ACO2: variants seen among roughly 807,000 people sequenced by gnomAD.
The protein encoded by ACO2 is aconitate hydratase, mitochondrial.
In ACO2, 31 loss-of-function variants were observed where a neutral mutation model predicts 84.5. The ratio of observed to expected loss-of-function variants is 0.37; its 90% CI spans 0.28 to 0.50. The LOEUF (loss-of-function observed/expected upper bound fraction) is 0.50, where lower values mean the gene tolerates loss of function less well. ACO2 is among the 20% of genes least tolerant of loss of function. ACO2 has a pLI of 0.97. For missense variants in ACO2, 685 were observed against 1,029.3 expected (o/e 0.67, Z 4.58); for synonymous variants, 414 against 412.7 (o/e 1.00, Z -0.04).
At position 41,515,611 on chromosome 22, in the gene ACO2, C is replaced by T; in HGVS notation, c.684+76C>T. On this transcript the variant is annotated intron_variant, in intron 5 of 17. Coordinates refer to ENST00000216254, the MANE Select transcript of ACO2 (RefSeq NM_001098.3). This position sits in a 1 kb window ranked among gnomAD's most constrained non-coding sequence, Gnocchi z 5.8. ...TGGGGATGAACGGGAGACGGTGGGA[C>T]CCAGGAGGGAAAAGGGAACAAGTTA... 1 of 1,573,232 alleles carries T rather than the reference C, an allele frequency of 6.4e-7. No individual in the cohort carries two copies. Among genetic ancestry groups the T allele is most frequent in the Non-Finnish European group, 8.6e-7 (1 of 1,157,442 alleles).
At chr22:41,489,261 C>T (rs1448032863) in intron 1 of ACO2, among the ~76,000 whole-genome samples, 3 of 152,138 alleles carry the variant, frequency 2.0e-5, no homozygotes, top group Non-Finnish European at 4.4e-5. Context: ...CCAGGCTGGT[C>T]TCAAACTCCT....
At chr22:41,517,257 G>C in intron 6 of ACO2, 4 of 440,342 alleles carry the variant, frequency 9.1e-6, no homozygotes, top group South Asian at 8.6e-5. Context: ...TCAGTGTGTG[G>C]GGGCTGAATC....
In ACO2 at chr22:41,525,220, C is replaced by T. The variant is rs1327562896; in HGVS notation, c.1633C>T (p.Gln545Ter). ...GTTTGACCCAGGGCAGGACACCTAC[C>T]AGCACCCACCCAAGGACAGCAGCGG... ...GEFDPGQDTYQHPPKDSSGQH... is the reference protein window; with the variant it reads ...GEFDPGQDTY Residue 545 changes from glutamine (Q) to a stop codon, truncating the protein, a stop_gained, in exon 14 of 18, where the codon CAG (glutamine) becomes TAG (stop). Transcript: ENST00000216254. LOFTEE classifies it high-confidence loss of function. 1 of 1,614,006 alleles carries T rather than the reference C, an allele frequency of 6.2e-7. No homozygotes were observed. The highest frequency in any genetic ancestry group is 8.5e-7 in the Non-Finnish European group (1 of 1,180,018).
intron 1 of ACO2, among the ~76,000 whole-genome samples, chr22:41,476,449 T>C (rs553696365): frequency 6.8e-6 from 1 of 146,532 alleles, no homozygotes; most frequent in African/African-American, 2.5e-5. Context: ...GGCTCACACC[T>C]GTAATCCCAG....
At chr22:41,485,826 A>G (rs1015417300) in intron 1 of ACO2, among the ~76,000 whole-genome samples, 6 of 152,084 alleles carry the variant, frequency 3.9e-5, no homozygotes, top group African/African-American at 1.4e-4. Context: ...ACCTCAGGTG[A>G]TCCGCCTTTC....
Position 41,520,337 on chromosome 22 carries a change from T to C in ACO2, c.1138+61T>C. 4 of 1,372,382 alleles carry C rather than the reference T, an allele frequency of 2.9e-6. No individual in the cohort carries two copies. In the South Asian group the frequency reaches 4.9e-5, roughly 17 times the overall value. 85.0% of individuals were successfully genotyped at this position (1,372,382 alleles called of 1,614,324 possible). A position where few individuals can be genotyped will look rare whatever the true frequency, so the allele number is the denominator to read the frequency against. On this transcript the variant is annotated intron_variant, in intron 9 of 17. Transcript: ENST00000216254. The stretch of plus-strand genomic sequence containing the variant: ...CAGGGCCAGTGGCTCTGCCCAGGGC[T>C]GTAGACAATCACCTATGCCTACTGT...
Position 41,507,909 on chromosome 22 carries a change from A to G in ACO2, c.292A>G (p.Met98Val). The G allele has an allele frequency of 6.2e-7, 1 of 1,614,246 alleles. No individual in the cohort carries two copies. Among genetic ancestry groups the G allele is most frequent in the South Asian group, 1.1e-5 (1 of 91,090 alleles). Reference protein sequence around the residue: ...YLRLRPDRVAMQDATAQMAML... With the variant: ...YLRLRPDRVAVQDATAQMAML... ...GCGGCTGCGGCCGGACCGTGTGGCC[A>G]TGCAGGATGCGACGGCCCAGATGGC... is the stretch of plus-strand genomic sequence containing the variant. The change falls in exon 3 of 18, where the codon ATG becomes GTG. Residue 98 changes from methionine to valine, a missense_variant. Around this residue, in one of 5 missense-constraint regions of ACO2, gnomAD observed 92 missense variants for 203.7 expected, o/e 0.45. Coordinates refer to ENST00000216254, the MANE Select transcript of ACO2 (RefSeq NM_001098.3).
intron 3 of ACO2, among the ~76,000 whole-genome samples, chr22:41,509,215 G>A (rs1416063393): frequency 1.3e-5 from 2 of 152,166 alleles, no homozygotes; most frequent in Admixed American, 6.5e-5. Context: ...TTCTGGGGCT[G>A]GCTTTCTGCT....
chr22:41,509,591 G>A (rs2066419047), intron 3 of ACO2, among the ~76,000 whole-genome samples: 1 of 152,112 alleles, frequency 6.6e-6, no homozygotes, highest in Non-Finnish European at 1.5e-5. Flanking sequence ...TTGACTGGAG[G>A]AAGAACATGC....
intron 1 of ACO2, among the ~76,000 whole-genome samples, chr22:41,476,664 T>C (rs1420955467): frequency 6.6e-6 from 1 of 151,934 alleles, no homozygotes; most frequent in Non-Finnish European, 1.5e-5. Flanking sequence ...GAGCCGAGAT[T>C]GCGCCACTGT....
intron 2 of ACO2, among the ~76,000 whole-genome samples, chr22:41,506,850 A>C (rs971129658): frequency 6.6e-5 from 10 of 151,920 alleles, no homozygotes; most frequent in Admixed American, 5.2e-4. Context: ...GCAGAGCGTG[A>C]GGTCTGAAAG....
intron 1 of ACO2, 177 bp downstream of exon 1, chr22:41,469,359 C>T: frequency 1.5e-6 from 1 of 646,394 alleles, no homozygotes; most frequent in Admixed American, 3.9e-5. Context: ...TCAAGGCGTC[C>T]CCGGCACAGT....
chr22:41,486,380 G>T (rs1325616779), intron 1 of ACO2, among the ~76,000 whole-genome samples: 1 of 151,252 alleles, frequency 6.6e-6, no homozygotes, highest in Non-Finnish European at 1.5e-5. Flanking sequence ...TGCAACCTCT[G>T]CCTCCCAGGT....
Position 41,527,975 on chromosome 22 carries a change from G to C in ACO2, c.2161G>C (p.Val721Leu). 1.2e-6 allele frequency: 2 copies of C among 1,614,172 alleles called. No individual in the cohort carries two copies. Among genetic ancestry groups the C allele is most frequent in the Non-Finnish European group, 8.5e-7 (1 of 1,180,024 alleles). Reference protein sequence around the residue: ...DPADYNKIHPVDKLTIQGLKD... With the variant: ...DPADYNKIHPLDKLTIQGLKD... ...GGCTGACTACAACAAGATTCACCCT[G>C]TGGACAAGCTGACCATTCAGGGCCT... Residue 721 changes from valine (V) to leucine (L), a missense_variant, in exon 17 of 18, where the codon GTG becomes CTG. Physicochemically the swap from Val to Leu is conservative, Grantham distance 32 (BLOSUM62 1). This residue lies in a region of ACO2 where 174 missense variants were observed against 236.6 expected (regional missense o/e 0.74). Coordinates refer to ENST00000216254, the MANE Select transcript of ACO2 (RefSeq NM_001098.3).
At chr22:41,514,533 G>A (rs1329767628) in intron 4 of ACO2, among the ~76,000 whole-genome samples, 2 of 152,186 alleles carry the variant, frequency 1.3e-5, no homozygotes, top group Non-Finnish European at 1.5e-5. Context: ...CAGACCCCCC[G>A]ATACAGGACG....
At position 41,526,459 on chromosome 22, in the gene ACO2, T is replaced by TCAGAGTTGATAGGGGCAATGCCAG; in HGVS notation, c.1953+7_1953+30dup. ...ACACTGCCCGCTACTACAAGGTGGG[T>TCAGAGTTGATAGGGGCAATGCCAG]CAGAGTTGATAGGGGCAATGCCAGT... On this transcript the variant is annotated splice_region_variant and intron_variant, in intron 15 of 17. Coordinates refer to ENST00000216254, the MANE Select transcript of ACO2 (RefSeq NM_001098.3). The TCAGAGTTGATAGGGGCAATGCCAG allele has an allele frequency of 1.2e-6, 2 of 1,608,842 alleles. No individual in the cohort carries two copies. Among genetic ancestry groups the TCAGAGTTGATAGGGGCAATGCCAG allele is most frequent in the Non-Finnish European group, 1.7e-6 (2 of 1,176,606 alleles).
intron 1 of ACO2, among the ~76,000 whole-genome samples, chr22:41,478,596 G>A (rs1270342616): frequency 6.6e-6 from 1 of 152,130 alleles, no homozygotes; most frequent in Non-Finnish European, 1.5e-5. Flanking sequence ...AAATATTCAA[G>A]TCTAGGCCCT....
chr22:41,481,731 CACTTA>C (rs777699428), intron 1 of ACO2, among the ~76,000 whole-genome samples: 2 of 152,210 alleles, frequency 1.3e-5, no homozygotes, highest in Non-Finnish European at 1.5e-5. Context: ...CTGCCAGAGG[CACTTA>C]ACTTGAGTTT....
intron 2 of ACO2, among the ~76,000 whole-genome samples, chr22:41,506,499 T>C (rs137830): frequency 0.2 from 29,939 of 152,014 alleles, 3,728 homozygotes; most frequent in Admixed American, 0.39. Flanking sequence ...ATGATCCGCC[T>C]GTCTCGGCCT....
Sources: allele counts gnomAD v4.1 joint callset (sites outside exome capture counted in the v4.1 genomes callset), GRCh38; gene constraint gnomAD v4.1.1; regional missense constraint gnomAD v4.1.1; non-coding constraint Gnocchi (gnomAD v3.1); transcripts MANE v1.5; gene names NCBI Gene and HGNC (gene_info 2026-07-23, HGNC 2026-07-21).